ADAMTSL1: variants seen among roughly 807,000 people sequenced by gnomAD.
ADAMTSL1 encodes the protein ADAMTS-like protein 1.
A neutral mutation model predicts 201.8 loss-of-function variants in ADAMTSL1; 126 were observed. The observed-to-expected ratio is 0.62, with a 90% CI of 0.54 to 0.72. ADAMTSL1 has a LOEUF of 0.72. ADAMTSL1 is among the 30% of genes least tolerant of loss of function. The pLI, the probability that ADAMTSL1 is intolerant of heterozygous loss-of-function variation, is 0.00. For missense variants in ADAMTSL1, 2,679 were observed against 2,277.8 expected (o/e 1.18, Z -3.59); for synonymous variants, 1,121 against 903.4 (o/e 1.24, Z -4.32).
chr9:18,301,197 A>G (rs10810948), intron 2 of ADAMTSL1, among the ~76,000 whole-genome samples: 3 of 152,192 alleles, frequency 2.0e-5, no homozygotes, highest in Non-Finnish European at 2.9e-5. Flanking sequence ...ACACACATTC[A>G]TTATAAAGTG....
chr9:18,765,831 T>TA lies in ADAMTSL1; in HGVS notation c.2218-4765dup, dbSNP rs535404494. On this transcript the variant is annotated intron_variant, in intron 16 of 28. Coordinates refer to ENST00000380548, the MANE Select transcript of ADAMTSL1 (RefSeq NM_001040272.6). ...ATTTCTGAAAATATGAGAGCTATTA[T>TA]AAAAAATAAAATGAGGTAATGGTGA... Among the ~76,000 whole-genome samples the TA allele has an allele frequency of 1.3e-3, 191 of 152,224 alleles. 6 individuals are homozygous for TA. The highest frequency in any genetic ancestry group is 0.012 in the South Asian group (59 of 4,816).
At chr9:18,740,478 C>CTTTTTTTTTTTTTTTTTTTTTT (rs11449360) in intron 15 of ADAMTSL1, among the ~76,000 whole-genome samples, 11 of 105,680 alleles carry the variant, frequency 1.0e-4, no homozygotes, top group Non-Finnish European at 1.5e-4. Context: ...TTTCTTTTAT[C>CTTTTTTTTTTTTTTTTTTTTTT]TTTTTTTTTT....
intron 2 of ADAMTSL1, among the ~76,000 whole-genome samples, chr9:18,395,147 G>C (rs1297540254): frequency 6.6e-6 from 1 of 152,150 alleles, no homozygotes; most frequent in Non-Finnish European, 1.5e-5. Flanking sequence ...CTGTTGCCAG[G>C]TGTTTGAGTA....
At chr9:18,286,073 G>C (rs924451295) in intron 2 of ADAMTSL1, among the ~76,000 whole-genome samples, 2 of 151,760 alleles carry the variant, frequency 1.3e-5, no homozygotes, top group Non-Finnish European at 2.9e-5. Context: ...ACCTGTATTT[G>C]TTTTGCTAAG....
intron 2 of ADAMTSL1, among the ~76,000 whole-genome samples, chr9:18,242,173 G>C (rs1395439720): frequency 6.6e-6 from 1 of 151,946 alleles, no homozygotes; most frequent in African/African-American, 2.4e-5. Flanking sequence ...TGAACAAATG[G>C]GATTCATCCC....
chr9:18,434,450 A>T (rs1819635122), intron 2 of ADAMTSL1, among the ~76,000 whole-genome samples: 1 of 152,208 alleles, frequency 6.6e-6, no homozygotes, highest in Non-Finnish European at 1.5e-5. Context: ...AACAAGATAG[A>T]CAAGATTCCT....
intron 16 of ADAMTSL1, among the ~76,000 whole-genome samples, chr9:18,759,022 G>A (rs1376785619): frequency 1.3e-5 from 2 of 152,152 alleles, no homozygotes; most frequent in Non-Finnish European, 2.9e-5. Context: ...GTGCTGAAGG[G>A]TTAAACTGAA....
intron 2 of ADAMTSL1, among the ~76,000 whole-genome samples, chr9:18,440,943 T>A (rs1819969005): frequency 6.6e-6 from 1 of 152,076 alleles, no homozygotes; most frequent in Non-Finnish European, 1.5e-5. Context: ...CAACAATTTA[T>A]GACAGGCAAA....
intron 4 of ADAMTSL1, among the ~76,000 whole-genome samples, chr9:18,615,653 A>T (rs1157732906): frequency 5.9e-5 from 9 of 152,226 alleles, no homozygotes; most frequent in African/African-American, 2.2e-4. Context: ...CCTCAGTGTT[A>T]TAATCTGAAC....
chr9:18,853,613 C>T lies in ADAMTSL1; in HGVS notation c.4249+23636C>T, dbSNP rs1018262187. On this transcript the variant is annotated intron_variant, in intron 23 of 28. Coordinates refer to ENST00000380548, the MANE Select transcript of ADAMTSL1 (RefSeq NM_001040272.6). ...TGGTCTTTCATTAACTTTGCAAAGG[C>T]AGTTTAGATTCAGGAAGGGCTATTA... Among the ~76,000 whole-genome samples the T allele has an allele frequency of 2.0e-5, 3 of 152,166 alleles. No individual in the cohort carries two copies. In the South Asian group the frequency reaches 6.2e-4, roughly 32 times the overall value.
At chr9:18,784,640 A>T (rs1318606008) in intron 19 of ADAMTSL1, among the ~76,000 whole-genome samples, 1 of 152,208 alleles carries the variant, frequency 6.6e-6, no homozygotes, top group Non-Finnish European at 1.5e-5. Context: ...TGTAGTGTGT[A>T]TAAGTACAGA....
At chr9:18,020,367 T>TATCCTGAGTGCTCTGCTTTC (rs1210242977) in intron 1 of ADAMTSL1, among the ~76,000 whole-genome samples, 5 of 152,098 alleles carry the variant, frequency 3.3e-5, no homozygotes, top group African/African-American at 1.2e-4. Context: ...TTGTGGCTTT[T>TATCCTGAGTGCTCTGCTTTC]ATCCTGAGTG....
intron 20 of ADAMTSL1, among the ~76,000 whole-genome samples, chr9:18,812,863 C>T (rs1336190173): frequency 6.6e-6 from 1 of 151,972 alleles, no homozygotes; most frequent in Non-Finnish European, 1.5e-5. Flanking sequence ...TATTCTGTTC[C>T]ATGGGTTTAT....
At chr9:18,194,253 A>T (rs914504450) in intron 2 of ADAMTSL1, among the ~76,000 whole-genome samples, 1 of 152,180 alleles carries the variant, frequency 6.6e-6, no homozygotes, top group African/African-American at 2.4e-5. Flanking sequence ...AAAAGTGGCT[A>T]AGTCAAGTTA....
At chr9:18,862,180 A>C (rs1328605765) in intron 23 of ADAMTSL1, among the ~76,000 whole-genome samples, 1 of 152,184 alleles carries the variant, frequency 6.6e-6, no homozygotes, top group Non-Finnish European at 1.5e-5. Flanking sequence ...GCTTTGGTTC[A>C]GCAGAAGAGA....
intron 2 of ADAMTSL1, among the ~76,000 whole-genome samples, chr9:18,275,091 G>T (rs2132599651): frequency 6.6e-6 from 1 of 152,168 alleles, no homozygotes; most frequent in Non-Finnish European, 1.5e-5. Context: ...GTCCATCTGG[G>T]CAAAATTTGT....
At chr9:18,288,310 G>A (rs1833106909) in intron 2 of ADAMTSL1, among the ~76,000 whole-genome samples, 3 of 152,070 alleles carry the variant, frequency 2.0e-5, no homozygotes, top group East Asian at 1.9e-4. Context: ...CAAGTTGGGC[G>A]CACCATCTGG....
intron 3 of ADAMTSL1, among the ~76,000 whole-genome samples, chr9:18,534,579 A>G (rs1442692861): frequency 6.6e-6 from 1 of 152,234 alleles, no homozygotes; most frequent in Non-Finnish European, 1.5e-5. Flanking sequence ...TCTTTCCTCA[A>G]TATCATGGGC....
rs1330469433 is a variant in ADAMTSL1 at position 18,747,143 on chromosome 9, G to A, written c.2007-6155G>A. On this transcript the variant is annotated intron_variant, in intron 15 of 28. Transcript: ENST00000380548. ...TTTGTTCTATTGACCTTAAGAGAGA[G>A]TATAATATAATAATTAGGCATGCAG... Among the ~76,000 whole-genome samples the A allele has an allele frequency of 2.6e-5, 4 of 152,286 alleles. No individual in the cohort carries two copies. In the East Asian group the frequency reaches 5.8e-4, roughly 22 times the overall value.
Sources: gnomAD v4.1 joint callset for allele counts (sites outside exome capture counted in the v4.1 genomes callset) on GRCh38, gnomAD v4.1.1 for gene constraint, MANE v1.5 for transcripts, NCBI Gene and HGNC (gene_info 2026-07-23, HGNC 2026-07-21) for gene names.